The following DYNC1I1 variants were observed in gnomAD, a reference collection of about 807,000 sequenced individuals.
DYNC1I1 encodes dynein cytoplasmic 1 intermediate chain 1.
DYNC1I1 carries 43 observed loss-of-function variants against 86.6 expected under a neutral mutation model. The observed-to-expected ratio is 0.50, with a 90% CI of 0.39 to 0.64. The LOEUF is 0.64. Ranked by LOEUF, DYNC1I1 falls within the 30% of genes least tolerant of loss-of-function variation. The probability of loss-of-function intolerance (pLI) is 0.00; values close to 1 mark genes in which losing one functional copy is unlikely to be tolerated. For missense variants in DYNC1I1, 604 were observed against 788.8 expected, an observed-to-expected ratio of 0.77 and a Z score of 2.81; for synonymous variants, 262 against 283.7, an observed-to-expected ratio of 0.92 and a Z score of 0.77.
intron 5 of DYNC1I1, among the ~76,000 whole-genome samples, chr7:95,847,555 A>T (rs1789466677): frequency 6.6e-6 from 1 of 152,142 alleles, no homozygotes; most frequent in African/African-American, 2.4e-5. Flanking sequence ...GTTGTCTTGC[A>T]GCTGTCAATT....
chr7:95,994,166 C>T (rs1793800881), intron 9 of DYNC1I1, among the ~76,000 whole-genome samples: 1 of 151,958 alleles, frequency 6.6e-6, no homozygotes, highest in Non-Finnish European at 1.5e-5. Flanking sequence ...TATATAAAGC[C>T]TTTCTATTGA....
At chr7:96,028,841 A>T (rs1794742819) in intron 11 of DYNC1I1, among the ~76,000 whole-genome samples, 1 of 152,210 alleles carries the variant, frequency 6.6e-6, no homozygotes, top group Non-Finnish European at 1.5e-5. Context: ...AAAAGTCAAC[A>T]TCTCAAAACC....
intron 1 of DYNC1I1, among the ~76,000 whole-genome samples, chr7:95,788,206 A>G (rs767802363): frequency 9.2e-5 from 14 of 152,210 alleles, no homozygotes; most frequent in Admixed American, 4.6e-4. Context: ...AAGGGAGGCC[A>G]AAGATAGAAA....
chr7:95,900,017 C>T (rs10246503), intron 6 of DYNC1I1, among the ~76,000 whole-genome samples: 22,405 of 152,060 alleles, frequency 0.15, 1,799 homozygotes, highest in Middle Eastern at 0.24. Context: ...GGTATCTGTT[C>T]CATGGGACAC....
chr7:95,944,123 C>T (rs1489119458), intron 6 of DYNC1I1, among the ~76,000 whole-genome samples: 1 of 151,596 alleles, frequency 6.6e-6, no homozygotes, highest in African/African-American at 2.4e-5. Flanking sequence ...GCAACCTACT[C>T]ATCTGACAAA....
intron 4 of DYNC1I1, among the ~76,000 whole-genome samples, chr7:95,816,408 G>T (rs1794947403): frequency 6.6e-6 from 1 of 152,116 alleles, no homozygotes; most frequent in African/African-American, 2.4e-5. Context: ...TTATACTAAT[G>T]ATTTAATTTT....
At chr7:95,954,552 G>A (rs192080971) in intron 6 of DYNC1I1, among the ~76,000 whole-genome samples, 77 of 152,158 alleles carry the variant, frequency 5.1e-4, no homozygotes, top group African/African-American at 1.7e-3. Context: ...AAAGCTGAAT[G>A]CTAAAACTCA....
intron 10 of DYNC1I1, among the ~76,000 whole-genome samples, chr7:96,024,761 G>A (rs2115937732): frequency 6.6e-6 from 1 of 152,240 alleles, no homozygotes; most frequent in East Asian, 1.9e-4. Flanking sequence ...ACATTTATTA[G>A]TAGTGTCAAC....
intron 6 of DYNC1I1, among the ~76,000 whole-genome samples, chr7:95,890,405 C>A (rs780907014): frequency 5.9e-5 from 9 of 151,980 alleles, no homozygotes; most frequent in East Asian, 1.9e-4. Flanking sequence ...TAGAGGGGAA[C>A]AACAGATACT....
chr7:95,778,050 C>T (rs1381636955), intron 1 of DYNC1I1, among the ~76,000 whole-genome samples: 1 of 152,190 alleles, frequency 6.6e-6, no homozygotes, highest in East Asian at 1.9e-4. Flanking sequence ...TAAATACCAA[C>T]TTCAATTTAA....
At chr7:95,927,697 C>G (rs1229253678) in intron 6 of DYNC1I1, among the ~76,000 whole-genome samples, 1 of 152,078 alleles carries the variant, frequency 6.6e-6, no homozygotes, top group Non-Finnish European at 1.5e-5. Context: ...CATACAGACA[C>G]TCTTCATACT....
chr7:95,940,396 C>T (rs1416648268), intron 6 of DYNC1I1, among the ~76,000 whole-genome samples: 2 of 152,156 alleles, frequency 1.3e-5, no homozygotes, highest in Non-Finnish European at 2.9e-5. Flanking sequence ...AGAGTGTTTT[C>T]CAACTTGGTT....
chr7:95,936,577 A>G (rs565788993), intron 6 of DYNC1I1, among the ~76,000 whole-genome samples: 2 of 152,040 alleles, frequency 1.3e-5, no homozygotes, highest in African/African-American at 4.8e-5. Flanking sequence ...TATAAGGAAG[A>G]GAAGAAAATT....
At chr7:95,903,966 C>T (rs1238341714) in intron 6 of DYNC1I1, among the ~76,000 whole-genome samples, 2 of 152,148 alleles carry the variant, frequency 1.3e-5, no homozygotes, top group Non-Finnish European at 2.9e-5. Context: ...AGCCTAGAGA[C>T]AGGTGGGTGG....
At chr7:96,066,199 G>T (rs767856836) in intron 14 of DYNC1I1, among the ~76,000 whole-genome samples, 1 of 152,106 alleles carries the variant, frequency 6.6e-6, no homozygotes, top group Non-Finnish European at 1.5e-5. Flanking sequence ...GACTTAACCA[G>T]GTTTTTGCAT....
intron 9 of DYNC1I1, among the ~76,000 whole-genome samples, chr7:95,993,707 T>C (rs1280209590): frequency 6.6e-6 from 1 of 152,186 alleles, no homozygotes; most frequent in Non-Finnish European, 1.5e-5. Context: ...ACATTGTAAC[T>C]CTCTGCAGAT....
intron 1 of DYNC1I1, among the ~76,000 whole-genome samples, chr7:95,788,065 A>T (rs369109236): frequency 1.3e-5 from 2 of 152,186 alleles, no homozygotes. Context: ...GTGTAGGGCC[A>T]TGGAGGCTAT....
At position 95,840,417 on chromosome 7, in the gene DYNC1I1, A is replaced by G. The variant is rs536601709; in HGVS notation, c.374+12301A>G. Among the ~76,000 whole-genome samples the G allele has an allele frequency of 4.6e-5, 7 of 151,910 alleles. No individual in the cohort carries two copies. The East Asian group carries it at 5.8e-4, about 13-fold the overall frequency. The stretch of plus-strand genomic sequence containing the variant: ...TGTATTCTTCAGGTCTATTATTTCT[A>G]TTTGGTATTTTTAAATATTTTCTAT... On this transcript the variant is annotated intron_variant, in intron 5 of 16. Coordinates refer to ENST00000447467, the MANE Select transcript of DYNC1I1 (RefSeq NM_001135556.2).
chr7:96,097,377 A>G lies in DYNC1I1; in HGVS notation c.1777-106A>G. The G allele has an allele frequency of 6.6e-6, 8 of 1,218,964 alleles. No individual in the cohort carries two copies. In the South Asian group the frequency reaches 1.2e-4, roughly 18 times the overall value. The allele number at this position is 1,218,964 out of a possible 1,614,324, so 75.5% of individuals were successfully genotyped here. A position where few individuals can be genotyped will look rare whatever the true frequency, so the allele number is the denominator to read the frequency against. On this transcript the variant is annotated intron_variant, in intron 16 of 16. Coordinates refer to ENST00000447467, the MANE Select transcript of DYNC1I1 (RefSeq NM_001135556.2). The stretch of plus-strand genomic sequence containing the variant: ...ATTTCCTTTACATTCCAAGGGAAAC[A>G]TCTGCTTTGGAGGGTGTGGGGGCAA...
Sources: gnomAD v4.1 joint callset for allele counts (sites outside exome capture counted in the v4.1 genomes callset) on GRCh38, gnomAD v4.1.1 for gene constraint, MANE v1.5 for transcripts, NCBI Gene and HGNC (gene_info 2026-07-23, HGNC 2026-07-21) for gene names.